The following ZNF324B variants were observed in gnomAD, a reference collection of about 807,000 sequenced individuals.
ZNF324B encodes zinc finger protein 324B.
ZNF324B carries 7 observed loss-of-function variants against 10.6 expected under a neutral mutation model. The observed-to-expected ratio is 0.66, with a 90% CI of 0.38 to 1.24. ZNF324B has a LOEUF of 1.24. ZNF324B is among the 50% of genes most tolerant of loss of function. The pLI is 0.02. For missense variants in ZNF324B, 640 were observed against 764.7 expected, an observed-to-expected ratio of 0.84 and a Z score of 1.92; for synonymous variants, 316 against 321.0, an observed-to-expected ratio of 0.98 and a Z score of 0.17.
chr19:58,421,220 T>C, the ZNF324B span, among the ~76,000 whole-genome samples: 1 of 151,718 alleles, frequency 6.6e-6, no homozygotes, highest in African/African-American at 2.4e-5. Flanking sequence ...TGCTCTGGAG[T>C]AGAGTCCCAT....
the ZNF324B span, chr19:58,440,868 A>T: frequency 6.6e-6 from 1 of 152,304 alleles, no homozygotes; most frequent in African/African-American, 2.4e-5. Context: ...GCCCGGCTGT[A>T]GGCATGGAAC....
chr19:58,424,061 G>T, the ZNF324B span, among the ~76,000 whole-genome samples: 1 of 150,610 alleles, frequency 6.6e-6, no homozygotes, highest in Non-Finnish European at 1.5e-5. Flanking sequence ...CTCACATGGT[G>T]AAACCCCATC....
chr19:58,450,812 CCAA>C (rs2052850569), upstream of ZNF324B, among the ~76,000 whole-genome samples: 1 of 152,190 alleles, frequency 6.6e-6, no homozygotes, highest in Admixed American at 6.5e-5. Flanking sequence ...TTATTCTCTG[CCAA>C]CAACATGGTC....
chr19:58,438,097 CAAG>C, the ZNF324B span, among the ~76,000 whole-genome samples: 1 of 152,184 alleles, frequency 6.6e-6, no homozygotes, highest in African/African-American at 2.4e-5. Flanking sequence ...GCCCTGACCA[CAAG>C]AAGGATGGCC....
the ZNF324B span, chr19:58,430,843 T>A: frequency 6.6e-6 from 1 of 152,260 alleles, no homozygotes; most frequent in Non-Finnish European, 1.5e-5. Context: ...GGCTTCTCCC[T>A]ATCATGGCCT....
the ZNF324B span, chr19:58,437,183 G>A: frequency 6.2e-7 from 1 of 1,608,904 alleles, no homozygotes; most frequent in Non-Finnish European, 8.5e-7. Flanking sequence ...TCTTCAATGT[G>A]GGGACAGCTG....
chr19:58,418,460 C>G, the ZNF324B span: 1 of 151,952 alleles, frequency 6.6e-6, no homozygotes, highest in African/African-American at 2.4e-5. Context: ...TCCTGAGTAG[C>G]TGGCACTACA....
upstream of ZNF324B, among the ~76,000 whole-genome samples, chr19:58,447,611 G>A (rs1227744781): frequency 6.6e-6 from 1 of 152,240 alleles, no homozygotes; most frequent in Non-Finnish European, 1.5e-5. Flanking sequence ...GGTCATGACT[G>A]TAATCCTAGC....
chr19:58,437,217 T>C, the ZNF324B span: 1 of 1,583,480 alleles, frequency 6.3e-7, no homozygotes, highest in South Asian at 1.2e-5. Context: ...AGAAGTATGC[T>C]GACAAAGAAA....
At chr19:58,420,287 C>T in the ZNF324B span, among the ~76,000 whole-genome samples, 8 of 152,134 alleles carry the variant, frequency 5.3e-5, no homozygotes, top group Middle Eastern at 3.4e-3. Flanking sequence ...GGCATGGTGA[C>T]GGGCGCCTGT....
Position 58,455,946 on chromosome 19 carries a change from C to T in ZNF324B, c.1002C>T (p.Ile334=). 1 of 1,595,304 alleles carries T rather than the reference C, an allele frequency of 6.3e-7. No homozygotes were observed. The highest frequency in any genetic ancestry group is 1.1e-5 in the South Asian group (1 of 90,040). ...CCTCGCTGGTGCGGCACCAGCGCAT[C>T]CACACGGCCGAGAAGTCCTTCCGCT... The part of the protein sequence containing the change: ...HSSSLVRHQR[I]HTAEKSFRCS... Residue 334 remains isoleucine (I), a synonymous_variant, in exon 4 of 4, where the codon ATC becomes ATT. Coordinates refer to ENST00000336614, the MANE Select transcript of ZNF324B (RefSeq NM_207395.3). The surrounding 1 kb of genome is among the most constrained non-coding windows in gnomAD (Gnocchi z 7.0).
the ZNF324B span, among the ~76,000 whole-genome samples, chr19:58,446,137 A>C: frequency 6.6e-6 from 1 of 152,186 alleles, no homozygotes; most frequent in Non-Finnish European, 1.5e-5. Context: ...TCCATCTCAA[A>C]AAACAAACAA....
chr19:58,426,625 G>C, the ZNF324B span, among the ~76,000 whole-genome samples: 1 of 152,172 alleles, frequency 6.6e-6, no homozygotes, highest in Non-Finnish European at 1.5e-5. Flanking sequence ...CTCAAAGCTT[G>C]GGAGTTGGAG....
chr19:58,424,453 A>G, the ZNF324B span, among the ~76,000 whole-genome samples: 23 of 152,234 alleles, frequency 1.5e-4, no homozygotes, highest in African/African-American at 5.5e-4. Context: ...AAGAAGATAT[A>G]TGGTTATCAA....
Position 58,456,628 on chromosome 19 carries a change from C to G in ZNF324B, c.*49C>G, listed in dbSNP as rs571133942. ...TTTCTTGGCCTTCTGTGAATCCCTT[C>G]CACAGCTAAAGGGTCCGAGTGCTCT... On this transcript the variant is annotated 3_prime_UTR_variant, in exon 4 of 4. Coordinates refer to ENST00000336614, the MANE Select transcript of ZNF324B (RefSeq NM_207395.3). The surrounding 1 kb of genome is among the most constrained non-coding windows in gnomAD (Gnocchi z 4.7). 5.6e-5 allele frequency: 89 copies of G among 1,576,436 alleles called. 1 individual carries two copies. The highest frequency in any genetic ancestry group is 5.2e-4 in the East Asian group (23 of 44,394).
chr19:58,438,875 GTTC>G, the ZNF324B span, among the ~76,000 whole-genome samples: 2 of 151,776 alleles, frequency 1.3e-5, no homozygotes, highest in African/African-American at 2.4e-5. Context: ...GATTCAAACA[GTTC>G]TTCTGCCTCA....
the ZNF324B span, chr19:58,441,996 A>T: frequency 6.6e-6 from 1 of 152,234 alleles, no homozygotes; most frequent in Non-Finnish European, 1.5e-5. Context: ...CTACACATGA[A>T]ATCTAGGTTT....
chr19:58,454,391 A>G, intron 3 of ZNF324B, 47 bp downstream of exon 3: 1 of 1,234,924 alleles, frequency 8.1e-7, no homozygotes, highest in Non-Finnish European at 1.2e-6. Flanking sequence ...ACCTGTGGCC[A>G]AGCCCATGTC....
chr19:58,443,499 G>T, the ZNF324B span: 4 of 152,312 alleles, frequency 2.6e-5, no homozygotes. Flanking sequence ...CCACGCCCTT[G>T]TCCAGCTCTA....
Sources: allele counts gnomAD v4.1 joint callset (sites outside exome capture counted in the v4.1 genomes callset), GRCh38; gene constraint gnomAD v4.1.1; non-coding constraint Gnocchi (gnomAD v3.1); transcripts MANE v1.5; gene names NCBI Gene and HGNC (gene_info 2026-07-23, HGNC 2026-07-21).